ENPP6: variants seen among roughly 807,000 people sequenced by gnomAD.
ENPP6 encodes glycerophosphocholine cholinephosphodiesterase ENPP6.
ENPP6 carries 32 observed loss-of-function variants against 42.0 expected under a neutral mutation model. That is an observed-to-expected ratio of 0.76 (90% confidence interval 0.58 to 1.02). ENPP6 has a LOEUF of 1.02. Ranked by LOEUF, ENPP6 falls within the 50% of genes least tolerant of loss-of-function variation. The pLI is 0.00. For missense variants in ENPP6, 552 were observed against 566.8 expected (o/e 0.97, Z 0.27); for synonymous variants, 213 against 216.0 (o/e 0.99, Z 0.12).
chr4:184,098,447 T>G (rs922034700), intron 6 of ENPP6, among the ~76,000 whole-genome samples: 4 of 152,144 alleles, frequency 2.6e-5, no homozygotes, highest in Non-Finnish European at 5.9e-5. Flanking sequence ...CCTCAGCAAA[T>G]CCCAACTCCC....
chr4:184,204,986 A>C (rs1440801720), intron 1 of ENPP6, among the ~76,000 whole-genome samples: 1 of 152,056 alleles, frequency 6.6e-6, no homozygotes, highest in Admixed American at 6.5e-5. Context: ...GCTGGAGTGC[A>C]GTGGCACCAT....
At chr4:184,172,986 C>A (rs566543402) in intron 1 of ENPP6, among the ~76,000 whole-genome samples, 1 of 152,270 alleles carries the variant, frequency 6.6e-6, no homozygotes, top group South Asian at 2.1e-4. Flanking sequence ...CCAACTACAA[C>A]CTCCGCCACC....
intron 3 of ENPP6, among the ~76,000 whole-genome samples, chr4:184,122,963 C>T (rs528723715): frequency 2.6e-5 from 4 of 152,336 alleles, no homozygotes; most frequent in South Asian, 4.1e-4. Flanking sequence ...TATACCGGCT[C>T]ATCCTTGTGT....
At chr4:184,147,028 C>T (rs1269652359) in intron 2 of ENPP6, among the ~76,000 whole-genome samples, 1 of 152,218 alleles carries the variant, frequency 6.6e-6, no homozygotes, top group Non-Finnish European at 1.5e-5. Flanking sequence ...CTCCAGCCCT[C>T]TTCTCTGAGC....
At chr4:184,137,248 C>G (rs1198563587) in intron 2 of ENPP6, among the ~76,000 whole-genome samples, 2 of 152,196 alleles carry the variant, frequency 1.3e-5, no homozygotes, top group African/African-American at 2.4e-5. Flanking sequence ...AGGCACCCAC[C>G]ACCACACTTG....
intron 1 of ENPP6, among the ~76,000 whole-genome samples, chr4:184,199,147 A>G (rs1271375957): frequency 1.3e-5 from 2 of 152,236 alleles, no homozygotes; most frequent in Non-Finnish European, 2.9e-5. Context: ...GTCTCAGGCT[A>G]AGTGACATGG....
intron 1 of ENPP6, among the ~76,000 whole-genome samples, chr4:184,160,808 C>T (rs763662502): frequency 6.6e-6 from 1 of 152,182 alleles, no homozygotes; most frequent in Non-Finnish European, 1.5e-5. Context: ...TACCTCCATA[C>T]TCCTGCTTCC....
intron 1 of ENPP6, among the ~76,000 whole-genome samples, chr4:184,205,708 C>G (rs1272935153): frequency 2.1e-5 from 3 of 145,512 alleles, no homozygotes; most frequent in Non-Finnish European, 4.6e-5. Context: ...CGAGAGGGAG[C>G]TGGAGTAGAG....
chr4:184,144,170 C>T (rs1191151803), intron 2 of ENPP6, among the ~76,000 whole-genome samples: 1 of 152,210 alleles, frequency 6.6e-6, no homozygotes, highest in African/African-American at 2.4e-5. Flanking sequence ...GCAGACTGCC[C>T]CACTCACCAA....
Position 184,217,559 on chromosome 4 carries a change from G to A in ENPP6, c.241+20C>T. 6.2e-7 allele frequency: 1 copy of A among 1,613,122 alleles called. No individual in the cohort carries two copies. Among genetic ancestry groups the A allele is most frequent in the Non-Finnish European group, 8.5e-7 (1 of 1,179,180 alleles). On this transcript the variant is annotated intron_variant, in intron 1 of 7. Coordinates refer to ENST00000296741, the MANE Select transcript of ENPP6 (RefSeq NM_153343.4). ...ATGCCAGCCCTCCCCTCCCTGCCCA[G>A]AAGAGGACATGGTACTCACCAGTCA...
chr4:184,110,797 A>G (rs1248355797), intron 6 of ENPP6, among the ~76,000 whole-genome samples: 4 of 152,158 alleles, frequency 2.6e-5, no homozygotes, highest in African/African-American at 9.7e-5. Flanking sequence ...TGGGATAGTA[A>G]ATCCTTTTTG....
intron 1 of ENPP6, among the ~76,000 whole-genome samples, chr4:184,177,686 C>T (rs552716937): frequency 2.0e-5 from 3 of 152,326 alleles, no homozygotes; most frequent in African/African-American, 7.2e-5. Context: ...TGCTGTTCTG[C>T]AGCCTCCACT....
At chr4:184,124,868 G>A (rs751161989) in intron 2 of ENPP6, among the ~76,000 whole-genome samples, 16 of 152,284 alleles carry the variant, frequency 1.1e-4, no homozygotes, top group African/African-American at 3.1e-4. Flanking sequence ...AACTCATTCC[G>A]ATGTGAACAG....
rs370748878 is a variant in ENPP6, at chr4:184,124,289, T to C, written c.422-17A>G. On this transcript the variant is annotated splice_polypyrimidine_tract_variant and intron_variant, in intron 2 of 7. Coordinates refer to ENST00000296741, the MANE Select transcript of ENPP6 (RefSeq NM_153343.4). ...CCTCACAGCCTGAGAAGGAAAAAGA[T>C]GGCAAATAGTTACTCTCTTCAATAA... The C allele has an allele frequency of 3.8e-6, 6 of 1,584,064 alleles. No homozygotes were observed. Among genetic ancestry groups the C allele is most frequent in the Non-Finnish European group, 5.2e-6 (6 of 1,153,416 alleles).
intron 1 of ENPP6, among the ~76,000 whole-genome samples, chr4:184,198,212 GAGCTGGGAA>G (rs1732834270): frequency 6.6e-6 from 1 of 152,250 alleles, no homozygotes. Context: ...TTCTGCCACA[GAGCTGGGAA>G]AAGCCCAGGC....
intron 1 of ENPP6, among the ~76,000 whole-genome samples, chr4:184,180,695 C>T (rs1056625377): frequency 2.0e-5 from 3 of 152,120 alleles, no homozygotes; most frequent in Admixed American, 2.0e-4. Context: ...GGGATACAAG[C>T]CTGATTCAAC....
intron 1 of ENPP6, among the ~76,000 whole-genome samples, chr4:184,157,324 C>G (rs1737176000): frequency 6.6e-6 from 1 of 152,224 alleles, no homozygotes; most frequent in Non-Finnish European, 1.5e-5. Flanking sequence ...ACTGCAGCAT[C>G]CTTCCGTCTA....
At chr4:184,144,008 G>A (rs375035897) in intron 2 of ENPP6, among the ~76,000 whole-genome samples, 4 of 152,322 alleles carry the variant, frequency 2.6e-5, no homozygotes, top group African/African-American at 9.6e-5. Flanking sequence ...GGATCAGACA[G>A]CCAAGGGCCC....
At chr4:184,201,120 C>T (rs529884579) in intron 1 of ENPP6, among the ~76,000 whole-genome samples, 2 of 152,248 alleles carry the variant, frequency 1.3e-5, no homozygotes, top group East Asian at 3.9e-4. Flanking sequence ...ACGCGCGCCC[C>T]CAGGACCCCC....
Sources: gnomAD v4.1 joint callset for allele counts (sites outside exome capture counted in the v4.1 genomes callset) on GRCh38, gnomAD v4.1.1 for gene constraint, MANE v1.5 for transcripts, NCBI Gene and HGNC (gene_info 2026-07-23, HGNC 2026-07-21) for gene names.